The following ANKS1B variants were observed in gnomAD, a reference collection of about 807,000 sequenced individuals.
ANKS1B encodes the protein ankyrin repeat and sterile alpha motif domain-containing protein 1B.
Under a neutral mutation model 148.3 loss-of-function variants are expected in ANKS1B, and 36 were observed. That is an observed-to-expected ratio of 0.24 (90% CI 0.19 to 0.32). The LOEUF (loss-of-function observed/expected upper bound fraction) is 0.32, where lower values mean the gene tolerates loss of function less well. Ranked by LOEUF, ANKS1B falls within the 10% of genes least tolerant of loss-of-function variation. The probability of loss-of-function intolerance (pLI) is 1.00; values close to 1 mark genes in which losing one functional copy is unlikely to be tolerated. For synonymous variants in ANKS1B, 542 were observed against 560.8 expected (o/e 0.97, Z 0.47); for missense variants, 1,157 against 1,542.6 (o/e 0.75, Z 4.19).
chr12:99,329,941 A>T (rs758072149), intron 12 of ANKS1B, among the ~76,000 whole-genome samples: 5 of 151,924 alleles, frequency 3.3e-5, no homozygotes. Context: ...TTTAAAGTGC[A>T]TTCACATTTA....
intron 26 of ANKS1B, among the ~76,000 whole-genome samples, chr12:98,747,015 T>G (rs889120738): frequency 1.3e-5 from 2 of 152,116 alleles, no homozygotes; most frequent in African/African-American, 2.4e-5. Context: ...GGATAAAGAT[T>G]TTTTGGGTAA....
intron 8 of ANKS1B, among the ~76,000 whole-genome samples, chr12:99,693,426 A>C (rs2053423375): frequency 1.3e-5 from 2 of 152,210 alleles, no homozygotes; most frequent in African/African-American, 4.8e-5. Context: ...GTCACTGTGA[A>C]AGGGTTCAGA....
intron 17 of ANKS1B, among the ~76,000 whole-genome samples, chr12:98,905,695 C>G (rs1168574547): frequency 6.6e-6 from 1 of 151,900 alleles, no homozygotes; most frequent in East Asian, 1.9e-4. Context: ...TCACTTGCGC[C>G]CAGGAAGTTG....
chr12:99,646,625 C>A (rs2098368763), intron 9 of ANKS1B, among the ~76,000 whole-genome samples: 1 of 143,344 alleles, frequency 7.0e-6, no homozygotes, highest in Non-Finnish European at 1.5e-5. Flanking sequence ...CTGATTCCAG[C>A]CCGGGTGACA....
At position 98,818,485 on chromosome 12, in the gene ANKS1B, C is replaced by T. The variant is rs555924832; in HGVS notation, c.3067-10567G>A. On this transcript the variant is annotated intron_variant, in intron 19 of 26. Coordinates refer to ENST00000683438, the MANE Select transcript of ANKS1B (RefSeq NM_001352186.2). ...GTACAATCCAGCTCTCATTGTGCAGCTCCCCAGGTTCCAGGGATGTTGCAG... is the reference window on the plus strand; with the variant it reads ...GTACAATCCAGCTCTCATTGTGCAGTTCCCCAGGTTCCAGGGATGTTGCAG... Among the ~76,000 whole-genome samples, 17 of 152,258 alleles carry T rather than the reference C, an allele frequency of 1.1e-4. No homozygotes were observed. In the South Asian group the frequency reaches 3.5e-3, roughly 32 times the overall value.
chr12:99,857,131 A>C (rs2089259447), intron 1 of ANKS1B, among the ~76,000 whole-genome samples: 1 of 152,126 alleles, frequency 6.6e-6, no homozygotes, highest in Non-Finnish European at 1.5e-5. Flanking sequence ...ATACCTAGAA[A>C]ACCTTAAGAC....
chr12:99,048,980 A>G (rs1259911701), intron 17 of ANKS1B: 1 of 152,190 alleles, frequency 6.6e-6, no homozygotes, highest in Non-Finnish European at 1.5e-5. Flanking sequence ...TATAAATGCA[A>G]TGCTTAAATC....
At position 99,685,740 on chromosome 12, in the gene ANKS1B, G is replaced by A. The variant is rs1433746626; in HGVS notation, c.1129-30530C>T. Among the ~76,000 whole-genome samples the A allele has an allele frequency of 3.4e-5, 5 of 148,576 alleles. No homozygotes were observed. The Admixed American group carries it at 3.4e-4, about 10-fold the overall frequency. Reference sequence around the variant, plus strand: ...GTGGGGTGTGTTTATGTGTGTGTGTGTGTATACATATATATATATACACAC... The same window carrying A: ...GTGGGGTGTGTTTATGTGTGTGTGTATGTATACATATATATATATACACAC... On this transcript the variant is annotated intron_variant, in intron 8 of 26. Coordinates refer to ENST00000683438, the MANE Select transcript of ANKS1B (RefSeq NM_001352186.2).
At chr12:99,561,169 C>A (rs1421449775) in intron 9 of ANKS1B, among the ~76,000 whole-genome samples, 1 of 152,146 alleles carries the variant, frequency 6.6e-6, no homozygotes, top group Non-Finnish European at 1.5e-5. Context: ...AATAAGACAA[C>A]AATGAACTTT....
intron 10 of ANKS1B, among the ~76,000 whole-genome samples, chr12:99,476,989 C>G (rs955357638): frequency 2.6e-5 from 4 of 152,118 alleles, no homozygotes; most frequent in Admixed American, 1.3e-4. Context: ...AATCCAAGGC[C>G]TCCCTCAGTT....
intron 1 of ANKS1B, among the ~76,000 whole-genome samples, chr12:99,863,749 A>G (rs972620752): frequency 3.3e-5 from 5 of 151,676 alleles, no homozygotes; most frequent in African/African-American, 1.2e-4. Flanking sequence ...GCCAAATTAT[A>G]TAGCCTAATA....
intron 9 of ANKS1B, among the ~76,000 whole-genome samples, chr12:99,646,904 T>C (rs2098374870): frequency 6.6e-6 from 1 of 151,254 alleles, no homozygotes; most frequent in Middle Eastern, 3.4e-3. Flanking sequence ...ATAGCCAGGG[T>C]ATGAATGTCT....
intron 11 of ANKS1B, among the ~76,000 whole-genome samples, chr12:99,442,682 C>T (rs953090792): frequency 6.6e-6 from 1 of 151,690 alleles, no homozygotes; most frequent in Admixed American, 6.6e-5. Context: ...AATTTAAGTG[C>T]CATTTTATCA....
At chr12:99,463,027 T>C (rs1326472439) in intron 10 of ANKS1B, among the ~76,000 whole-genome samples, 1 of 152,178 alleles carries the variant, frequency 6.6e-6, no homozygotes, top group African/African-American at 2.4e-5. Flanking sequence ...CTTTATAAAT[T>C]ACTCAGTCTC....
At chr12:99,851,965 G>C (rs1555214135) in intron 1 of ANKS1B, among the ~76,000 whole-genome samples, 1 of 152,116 alleles carries the variant, frequency 6.6e-6, no homozygotes, top group Non-Finnish European at 1.5e-5. Context: ...TACTTATTAA[G>C]CTATCTATTA....
intron 9 of ANKS1B, among the ~76,000 whole-genome samples, chr12:99,578,360 C>A (rs2097538514): frequency 6.6e-6 from 1 of 152,074 alleles, no homozygotes; most frequent in Non-Finnish European, 1.5e-5. Context: ...CTAGCCAGAG[C>A]AATCAGGCAA....
intron 9 of ANKS1B, chr12:99,649,373 A>G (rs1272802719): frequency 1.9e-6 from 3 of 1,614,032 alleles, no homozygotes; most frequent in South Asian, 1.1e-5. Flanking sequence ...GGGTCCACCT[A>G]TTGTGATTAT....
At chr12:98,739,653 C>A (rs1292367471), downstream of ANKS1B, among the ~76,000 whole-genome samples, 1 of 152,080 alleles carries the variant, frequency 6.6e-6, no homozygotes, top group East Asian at 1.9e-4. Flanking sequence ...CTCCCCCCTT[C>A]TCCTTTTCCT....
chr12:99,514,488 T>C (rs1420849035), intron 9 of ANKS1B, among the ~76,000 whole-genome samples: 1 of 152,074 alleles, frequency 6.6e-6, no homozygotes, highest in Non-Finnish European at 1.5e-5. Context: ...AAGTGAATAC[T>C]ATTTTATTTG....
Sources: gnomAD v4.1 joint callset for allele counts (sites outside exome capture counted in the v4.1 genomes callset) on GRCh38, gnomAD v4.1.1 for gene constraint, MANE v1.5 for transcripts, NCBI Gene and HGNC (gene_info 2026-07-23, HGNC 2026-07-21) for gene names.